The following UST variants were observed in gnomAD, a reference collection of about 807,000 sequenced individuals.
The protein encoded by UST is chondroitin sulfate 2-O-sulfotransferase.
UST carries 21 observed loss-of-function variants against 45.6 expected under a neutral mutation model. That is an observed-to-expected ratio of 0.46 (90% CI 0.33 to 0.66). The LOEUF (loss-of-function observed/expected upper bound fraction) is 0.66. Among genes scored for constraint, UST ranks in the 30% least tolerant of loss-of-function variants. UST has a pLI of 0.02. For missense variants in UST, 463 were observed against 512.4 expected (o/e 0.90, Z 0.93); for synonymous variants, 215 against 200.6 (o/e 1.07, Z -0.61).
At chr6:148,809,902 T>TC (rs1312239440) in intron 1 of UST, among the ~76,000 whole-genome samples, 1 of 152,226 alleles carries the variant, frequency 6.6e-6, no homozygotes, top group Non-Finnish European at 1.5e-5. Context: ...ATATCCATCC[T>TC]CACCCCAATT....
chr6:148,833,806 C>G (rs921611411), intron 1 of UST, among the ~76,000 whole-genome samples: 1 of 152,144 alleles, frequency 6.6e-6, no homozygotes, highest in Non-Finnish European at 1.5e-5. Context: ...TTTTGAAAAA[C>G]ATGCCTTTAA....
At chr6:148,757,716 T>A (rs939611639) in intron 1 of UST, among the ~76,000 whole-genome samples, 1 of 152,242 alleles carries the variant, frequency 6.6e-6, no homozygotes, top group African/African-American at 2.4e-5. Flanking sequence ...GTTTTTTAGT[T>A]CAAGGAGTAC....
chr6:148,876,076 G>A (rs1778645661), intron 1 of UST, among the ~76,000 whole-genome samples: 1 of 152,174 alleles, frequency 6.6e-6, no homozygotes. Flanking sequence ...TGGTTCTGTA[G>A]GCTGTACAGA....
chr6:148,875,816 A>G (rs553725731), intron 1 of UST, among the ~76,000 whole-genome samples: 4 of 152,350 alleles, frequency 2.6e-5, no homozygotes, highest in South Asian at 4.1e-4. Context: ...AAAAACAAAC[A>G]AACAAGGAAG....
At chr6:148,779,396 T>C (rs1231652199) in intron 1 of UST, among the ~76,000 whole-genome samples, 11 of 152,230 alleles carry the variant, frequency 7.2e-5, no homozygotes, top group South Asian at 2.1e-4. Context: ...TCTTGGTTCC[T>C]CACCAGATAA....
At chr6:148,830,094 T>C (rs1415009965) in intron 1 of UST, among the ~76,000 whole-genome samples, 1 of 152,188 alleles carries the variant, frequency 6.6e-6, no homozygotes, top group African/African-American at 2.4e-5. Flanking sequence ...CTGAGATCTG[T>C]GATTTTTAAG....
intron 7 of UST, among the ~76,000 whole-genome samples, chr6:149,024,364 C>T (rs1246482007): frequency 1.3e-5 from 2 of 152,198 alleles, no homozygotes; most frequent in Admixed American, 1.3e-4. Context: ...CTCTCAGCTG[C>T]CACACATTAT....
intron 2 of UST, among the ~76,000 whole-genome samples, chr6:148,892,506 C>A (rs536330629): frequency 6.6e-6 from 1 of 152,248 alleles, no homozygotes; most frequent in East Asian, 1.9e-4. Flanking sequence ...ATGAATCATT[C>A]CCTTAGGCTC....
intron 5 of UST, among the ~76,000 whole-genome samples, chr6:148,976,033 G>T (rs896930840): frequency 6.6e-6 from 1 of 151,990 alleles, no homozygotes; most frequent in South Asian, 2.1e-4. Context: ...ATATGACAAA[G>T]AATTTATTCT....
intron 1 of UST, among the ~76,000 whole-genome samples, chr6:148,754,232 G>A (rs940826423): frequency 2.2e-4 from 33 of 152,148 alleles, no homozygotes; most frequent in Admixed American, 9.8e-4. Flanking sequence ...TCCTGACCTC[G>A]TGATTCGCCC....
At chr6:148,749,276 A>T (rs1268501614) in intron 1 of UST, among the ~76,000 whole-genome samples, 1 of 152,214 alleles carries the variant, frequency 6.6e-6, no homozygotes, top group Non-Finnish European at 1.5e-5. Flanking sequence ...TGCTAGTGCC[A>T]CAAAAGTTAA....
chr6:148,891,227 G>A (rs1416107330), intron 2 of UST, among the ~76,000 whole-genome samples: 1 of 152,182 alleles, frequency 6.6e-6, no homozygotes, highest in African/African-American at 2.4e-5. Flanking sequence ...CCGAGAAGCT[G>A]ACGTTTCCCC....
intron 1 of UST, among the ~76,000 whole-genome samples, chr6:148,813,526 C>T (rs1308618651): frequency 7.2e-5 from 11 of 151,956 alleles, no homozygotes; most frequent in Non-Finnish European, 1.2e-4. Flanking sequence ...GGATTACAGG[C>T]GCCTGCCACC....
chr6:148,778,457 G>A (rs141901493), intron 1 of UST, among the ~76,000 whole-genome samples: 1 of 152,324 alleles, frequency 6.6e-6, no homozygotes, highest in Non-Finnish European at 1.5e-5. Flanking sequence ...CTAGGGCCTT[G>A]TGGGTGACAG....
Position 148,747,230 on chromosome 6 carries a change from C to A in UST, c.-201C>A. ...CGCCCCGAACCGGGGCCGGACACCT[C>A]GGCCGCTCGGGCCGCGGCGGCGGGG... On this transcript the variant is annotated 5_prime_UTR_variant, in exon 1 of 8. Transcript: ENST00000367463. The A allele has an allele frequency of 2.0e-6, 1 of 510,268 alleles. No homozygotes were observed. Among genetic ancestry groups the A allele is most frequent in the Non-Finnish European group, 3.0e-6 (1 of 336,742 alleles). The allele number at this position is 510,268 out of a possible 1,614,324, so 31.6% of individuals were successfully genotyped here.
At chr6:149,031,483 C>T (rs935915075) in intron 7 of UST, among the ~76,000 whole-genome samples, 7 of 152,220 alleles carry the variant, frequency 4.6e-5, no homozygotes, top group East Asian at 1.9e-4. Context: ...AATATATGTG[C>T]GTTTGGCCTA....
At position 149,076,797 on chromosome 6, in the gene UST, A is replaced by T. The variant is rs767288309; in HGVS notation, c.*2681A>T. On this transcript the variant is annotated 3_prime_UTR_variant, in exon 8 of 8. Transcript: ENST00000367463. ...ATTAAAATGATTTTATTTTGGTCTG[A>T]TGGATGTTTTTTAAAAGGAAAATTA... 1 of 152,476 alleles carries T rather than the reference A, an allele frequency of 6.6e-6. No individual in the cohort carries two copies. The highest frequency in any genetic ancestry group is 1.5e-5 in the Non-Finnish European group (1 of 68,008). 9.4% of individuals were successfully genotyped at this position (152,476 alleles called of 1,614,324 possible).
rs76623242 is a variant in UST at position 148,939,191 on chromosome 6, G to A, written c.292-2088G>A. On this transcript the variant is annotated intron_variant, in intron 2 of 7. Transcript: ENST00000367463. ...GAAAACAACAAAACATCAAAGAAAC[G>A]AATTAAAGGAGAACTAAATAAATAG... 1.9e-3 allele frequency among the ~76,000 whole-genome samples: 291 copies of A among 152,128 alleles called. 3 individuals carry two copies. The highest frequency in any genetic ancestry group is 1.6e-3 in the Non-Finnish European group (111 of 67,958).
intron 1 of UST, among the ~76,000 whole-genome samples, chr6:148,819,347 C>A (rs1026137425): frequency 6.6e-6 from 1 of 152,096 alleles, no homozygotes; most frequent in Non-Finnish European, 1.5e-5. Context: ...GGACAAAATA[C>A]GATTTGACAT....
Sources: gnomAD v4.1 joint callset for allele counts (sites outside exome capture counted in the v4.1 genomes callset) on GRCh38, gnomAD v4.1.1 for gene constraint, MANE v1.5 for transcripts, NCBI Gene and HGNC (gene_info 2026-07-23, HGNC 2026-07-21) for gene names.